The following ADGRF5 variants were observed in gnomAD, a reference collection of about 807,000 sequenced individuals.
ADGRF5 encodes G-protein coupled receptor 116.
In ADGRF5, 75 loss-of-function variants were observed where a neutral mutation model predicts 132.3. The observed-to-expected ratio is 0.57, with a 90% confidence interval of 0.47 to 0.69. The LOEUF is 0.69. ADGRF5 is among the 30% of genes least tolerant of loss of function. The probability of loss-of-function intolerance (pLI) is 0.00; values close to 1 mark genes in which losing one functional copy is unlikely to be tolerated. For synonymous variants in ADGRF5, 629 were observed against 597.6 expected, an observed-to-expected ratio of 1.05 and a Z score of -0.77; for missense variants, 1,516 against 1,630.6, an observed-to-expected ratio of 0.93 and a Z score of 1.21.
At chr6:46,873,345 C>G (rs534781807) in intron 10 of ADGRF5, among the ~76,000 whole-genome samples, 1 of 152,166 alleles carries the variant, frequency 6.6e-6, no homozygotes, top group Non-Finnish European at 1.5e-5. Context: ...TTGCGATTGG[C>G]CTTCTTCACC....
rs937950251 is a variant in ADGRF5 at position 46,888,473 on chromosome 6, T to C, written c.190A>G (p.Thr64Ala). The change falls in exon 4 of 21, where the codon ACT becomes GCT. Residue 64 changes from threonine (T) to alanine (A), a missense_variant. By Grantham distance (58) the Thr-to-Ala change is moderately conservative (BLOSUM62 0). Coordinates refer to ENST00000283296, the MANE Select transcript of ADGRF5 (RefSeq NM_001098518.2). ...ATKSPTAEEY[T>A]VNIEISFENA... ...TCAAAACTGATCTCAATATTAACAG[T>C]GTATTCTTCAGCCGTAGGACTTTTT... 6.2e-7 allele frequency: 1 copy of C among 1,613,424 alleles called. No homozygotes were observed. The highest frequency in any genetic ancestry group is 8.5e-7 in the Non-Finnish European group (1 of 1,179,414).
chr6:46,934,368 C>G (rs572662141), intron 1 of ADGRF5, among the ~76,000 whole-genome samples: 1 of 152,288 alleles, frequency 6.6e-6, no homozygotes, highest in Admixed American at 6.5e-5. Flanking sequence ...CCATTATTTT[C>G]AGCAATAATC....
intron 14 of ADGRF5, among the ~76,000 whole-genome samples, chr6:46,863,571 T>C (rs1222207676): frequency 6.6e-6 from 1 of 152,200 alleles, no homozygotes; most frequent in Admixed American, 6.5e-5. Flanking sequence ...TTCTAATCAA[T>C]ATGTTTAAGC....
intron 1 of ADGRF5, among the ~76,000 whole-genome samples, chr6:46,938,222 T>C (rs115224192): frequency 7.5e-4 from 114 of 152,308 alleles, no homozygotes; most frequent in African/African-American, 2.6e-3. Flanking sequence ...ACATTCCAGG[T>C]GCCTTCTACA....
chr6:46,942,514 T>A (rs1232006457), intron 1 of ADGRF5, among the ~76,000 whole-genome samples: 1 of 152,186 alleles, frequency 6.6e-6, no homozygotes, highest in African/African-American at 2.4e-5. Flanking sequence ...GATCCTCAGT[T>A]TTCTTATGTG....
At chr6:46,897,420 T>G (rs998521122) in intron 3 of ADGRF5, among the ~76,000 whole-genome samples, 2 of 152,180 alleles carry the variant, frequency 1.3e-5, no homozygotes, top group South Asian at 4.2e-4. Context: ...GGTATGTGTA[T>G]GTAAAAGGGA....
At position 46,953,651 on chromosome 6, in the gene ADGRF5, GTATATATATATATATA is replaced by G. The variant is rs61302381; in HGVS notation, c.-25+1067_-25+1082del. ...AAATTATATATATATAGATATATGTGTATATATATATATATATATATATATATATATATATATATCT... is the reference window on the plus strand; with the variant it reads ...AAATTATATATATATAGATATATGTGTATATATATATATATATATATATCT... On this transcript the variant is annotated intron_variant, in intron 1 of 20. Transcript: ENST00000265417. Among the ~76,000 whole-genome samples the G allele has an allele frequency of 6.4e-4, 27 of 42,186 alleles. 2 individuals carry two copies. Among genetic ancestry groups the G allele is most frequent in the South Asian group, 1.0e-3 (1 of 994 alleles). 27.7% of individuals were successfully genotyped at this position (42,186 alleles called of 152,430 possible).
intron 1 of ADGRF5, among the ~76,000 whole-genome samples, chr6:46,917,827 A>T (rs1776558932): frequency 6.6e-6 from 1 of 152,256 alleles, no homozygotes; most frequent in Admixed American, 6.5e-5. Flanking sequence ...CAGCAAACAA[A>T]CATGGCACAT....
intron 3 of ADGRF5, among the ~76,000 whole-genome samples, chr6:46,899,228 C>G (rs1008061743): frequency 1.3e-5 from 2 of 151,768 alleles, no homozygotes; most frequent in Non-Finnish European, 2.9e-5. Flanking sequence ...GTGTTGATGA[C>G]GTGAAAGGGA....
At chr6:46,877,035 G>A (rs777898519) in intron 10 of ADGRF5, among the ~76,000 whole-genome samples, 2 of 152,188 alleles carry the variant, frequency 1.3e-5, no homozygotes, top group South Asian at 2.1e-4. Flanking sequence ...ACAGATAAGC[G>A]CATTATACTG....
intron 1 of ADGRF5, among the ~76,000 whole-genome samples, chr6:46,939,218 C>T (rs967712992): frequency 2.0e-5 from 3 of 152,180 alleles, no homozygotes; most frequent in African/African-American, 7.2e-5. Context: ...TTGCTTGCTC[C>T]TTTAACTAGT....
At chr6:46,951,113 G>A (rs1203149274) in intron 1 of ADGRF5, among the ~76,000 whole-genome samples, 3 of 152,236 alleles carry the variant, frequency 2.0e-5, no homozygotes, top group African/African-American at 4.8e-5. Context: ...TTATTACGAC[G>A]TGTGTTTATT....
At chr6:46,943,614 A>G (rs549689464) in intron 1 of ADGRF5, among the ~76,000 whole-genome samples, 2 of 152,336 alleles carry the variant, frequency 1.3e-5, no homozygotes, top group East Asian at 3.9e-4. Flanking sequence ...AATTTTCACA[A>G]CACACCATGA....
chr6:46,934,998 C>CTTTT lies in ADGRF5; in HGVS notation c.-25+19732_-25+19735dup, dbSNP rs56982002. On this transcript the variant is annotated intron_variant, in intron 1 of 20. Transcript: ENST00000265417. The stretch of plus-strand genomic sequence containing the variant: ...GGATCACCACCATATGGTGATAGTT[C>CTTTT]TTTTTTTTTTTTTTTTTTTTTTTGA... Among the ~76,000 whole-genome samples the CTTTT allele has an allele frequency of 9.5e-4, 82 of 86,684 alleles. 2 individuals are homozygous for CTTTT. The highest frequency in any genetic ancestry group is 8.2e-3 in the Middle Eastern group (1 of 122). 56.9% of individuals were successfully genotyped at this position (86,684 alleles called of 152,430 possible).
intron 1 of ADGRF5, among the ~76,000 whole-genome samples, chr6:46,927,839 A>G (rs987433178): frequency 2.0e-5 from 3 of 152,152 alleles, no homozygotes; most frequent in Admixed American, 2.0e-4. Context: ...CTTCTCAGAC[A>G]ACACCCACAA....
At chr6:46,913,499 C>CA (rs10713382) in intron 1 of ADGRF5, among the ~76,000 whole-genome samples, 320 of 147,032 alleles carry the variant, frequency 2.2e-3, no homozygotes, top group Non-Finnish European at 4.0e-3. Context: ...AACTCCACCT[C>CA]AAAAAAAAAA....
chr6:46,930,899 CA>C (rs1245338428), intron 1 of ADGRF5, among the ~76,000 whole-genome samples: 1 of 151,996 alleles, frequency 6.6e-6, no homozygotes, highest in Non-Finnish European at 1.5e-5. Context: ...CAAAACAATA[CA>C]AAAATTAGCC....
intron 10 of ADGRF5, among the ~76,000 whole-genome samples, chr6:46,875,591 A>G (rs976026039): frequency 3.9e-5 from 6 of 152,172 alleles, no homozygotes; most frequent in African/African-American, 1.4e-4. Flanking sequence ...AGCCTGACCA[A>G]CATGGTGAAA....
chr6:46,877,595 A>G (rs1348716231), intron 10 of ADGRF5, among the ~76,000 whole-genome samples: 2 of 151,996 alleles, frequency 1.3e-5, no homozygotes, highest in Non-Finnish European at 2.9e-5. Flanking sequence ...ATTATTATTC[A>G]TCAATATAAA....
Sources: allele counts gnomAD v4.1 joint callset (sites outside exome capture counted in the v4.1 genomes callset), GRCh38; gene constraint gnomAD v4.1.1; transcripts MANE v1.5; gene names NCBI Gene and HGNC (gene_info 2026-07-23, HGNC 2026-07-21).